Variants in ROBO2 observed in about 807,000 individuals in gnomAD.
The protein encoded by ROBO2 is roundabout homolog 2.
ROBO2 carries 53 observed loss-of-function variants against 160.8 expected under a neutral mutation model. The observed-to-expected ratio is 0.33, with a 90% CI of 0.26 to 0.41. The LOEUF is 0.41. ROBO2 is among the 10% of genes least tolerant of loss of function. The probability of loss-of-function intolerance (pLI) is 1.00; values close to 1 mark genes in which losing one functional copy is unlikely to be tolerated. For missense variants in ROBO2, 1,577 were observed against 1,722.4 expected, an observed-to-expected ratio of 0.92 and a Z score of 1.49; for synonymous variants, 664 against 611.7, an observed-to-expected ratio of 1.09 and a Z score of -1.26.
At chr3:76,333,535 AG>A (rs896416715) in intron 2 of ROBO2, among the ~76,000 whole-genome samples, 1 of 152,312 alleles carries the variant, frequency 6.6e-6, no homozygotes, top group African/African-American at 2.4e-5. Flanking sequence ...CTTAATAAAA[AG>A]ATGTGGTTGC....
rs557507139 is a variant in ROBO2 at position 76,962,082 on chromosome 3, C to G, written c.110-135932C>G. Among the ~76,000 whole-genome samples, 16 of 152,228 alleles carry G rather than the reference C, an allele frequency of 1.1e-4. No individual in the cohort carries two copies. The South Asian group carries it at 3.3e-3, about 32-fold the overall frequency. Reference sequence around the variant, plus strand: ...AGGCACGGTGGCTCACACCTGTAATCTCAGCACTTTGGGAGTCCAAGACGG... The same window carrying G: ...AGGCACGGTGGCTCACACCTGTAATGTCAGCACTTTGGGAGTCCAAGACGG... On this transcript the variant is annotated intron_variant, in intron 2 of 26. Transcript: ENST00000487694.
intron 2 of ROBO2, among the ~76,000 whole-genome samples, chr3:76,446,219 A>C (rs1270727194): frequency 6.6e-6 from 1 of 152,170 alleles, no homozygotes; most frequent in Non-Finnish European, 1.5e-5. Flanking sequence ...AATGTGCAAA[A>C]ATCACAAGCA....
intron 2 of ROBO2, among the ~76,000 whole-genome samples, chr3:76,798,267 A>AGAAAGAAAGAAAGAAG (rs1491293268): frequency 7.1e-6 from 1 of 141,366 alleles, no homozygotes; most frequent in East Asian, 2.1e-4. Context: ...AAGGAAAGAA[A>AGAAAGAAAGAAAGAAG]GAAAGAAAGA....
intron 2 of ROBO2, among the ~76,000 whole-genome samples, chr3:76,964,792 A>G (rs1392972352): frequency 1.3e-5 from 2 of 152,206 alleles, no homozygotes; most frequent in African/African-American, 4.8e-5. Context: ...TTGGTGCTCT[A>G]GGCAGAACTG....
intron 2 of ROBO2, among the ~76,000 whole-genome samples, chr3:76,285,887 C>A (rs1025978373): frequency 6.6e-6 from 1 of 152,120 alleles, no homozygotes; most frequent in Non-Finnish European, 1.5e-5. Context: ...TTCTTGTATA[C>A]AGTCCTGTTT....
At chr3:77,007,853 C>A (rs912420517) in intron 2 of ROBO2, among the ~76,000 whole-genome samples, 1 of 151,980 alleles carries the variant, frequency 6.6e-6, no homozygotes, top group African/African-American at 2.4e-5. Flanking sequence ...TAATTAAAAT[C>A]ATTATCCAAA....
intron 1 of ROBO2, among the ~76,000 whole-genome samples, chr3:77,077,589 C>G (rs952896378): frequency 6.6e-6 from 1 of 152,268 alleles, no homozygotes; most frequent in Middle Eastern, 3.4e-3. Context: ...AAAAAATCAG[C>G]TGGGACTGTG....
At chr3:76,224,121 C>A (rs1180967107) in intron 2 of ROBO2, among the ~76,000 whole-genome samples, 1 of 152,076 alleles carries the variant, frequency 6.6e-6, no homozygotes, top group African/African-American at 2.4e-5. Context: ...CTACATATAT[C>A]TTATTGGTAC....
intron 4 of ROBO2, among the ~76,000 whole-genome samples, chr3:77,485,891 T>G (rs931642653): frequency 1.3e-5 from 2 of 152,100 alleles, no homozygotes; most frequent in Non-Finnish European, 2.9e-5. Flanking sequence ...ACCTAGGTAT[T>G]AGGTCCCACA....
At chr3:77,085,369 AT>A (rs2069172172) in intron 1 of ROBO2, among the ~76,000 whole-genome samples, 1 of 152,164 alleles carries the variant, frequency 6.6e-6, no homozygotes, top group African/African-American at 2.4e-5. Flanking sequence ...TTTTAGAGCT[AT>A]TTGCAACTGA....
At chr3:76,554,318 T>C (rs1475468427) in intron 2 of ROBO2, among the ~76,000 whole-genome samples, 1 of 152,180 alleles carries the variant, frequency 6.6e-6, no homozygotes, top group Non-Finnish European at 1.5e-5. Context: ...CTGTTAACAG[T>C]AATTATCTCC....
chr3:76,923,662 G>T (rs370781300), intron 2 of ROBO2, among the ~76,000 whole-genome samples: 1 of 152,158 alleles, frequency 6.6e-6, no homozygotes, highest in Non-Finnish European at 1.5e-5. Context: ...ATTGGTAATC[G>T]TTCTGTTCTG....
chr3:77,067,010 A>T (rs558007749), intron 1 of ROBO2, among the ~76,000 whole-genome samples: 2 of 140,588 alleles, frequency 1.4e-5, no homozygotes, highest in Non-Finnish European at 3.0e-5. Flanking sequence ...ACACTCACAC[A>T]CTCTCACACA....
At chr3:77,245,683 C>A (rs901292797) in intron 2 of ROBO2, among the ~76,000 whole-genome samples, 4 of 152,150 alleles carry the variant, frequency 2.6e-5, no homozygotes, top group South Asian at 2.1e-4. Context: ...GATTCTCATT[C>A]GAGTGAGGGA....
In ROBO2 at chr3:77,126,712, ATTTT is replaced by A. The variant is rs1278481390; in HGVS notation, c.388+28377_388+28380del. On this transcript the variant is annotated intron_variant, in intron 2 of 25. Transcript: ENST00000461745. ...AATATGGGTGGATATATATATATATATTTTTTTTCCTTTGAAAGATGGTGAAGTC... is the reference window on the plus strand; with the variant it reads ...AATATGGGTGGATATATATATATATATTTTCCTTTGAAAGATGGTGAAGTC... 2.4e-5 allele frequency among the ~76,000 whole-genome samples: 3 copies of A among 127,610 alleles called. 1 individual carries two copies. The highest frequency in any genetic ancestry group is 1.1e-4 in the African/African-American group (3 of 26,696). The allele number at this position is 127,610 out of a possible 152,430, so 83.7% of individuals were successfully genotyped here. A position where few individuals can be genotyped will look rare whatever the true frequency, so the allele number is the denominator to read the frequency against.
chr3:76,241,990 G>T (rs985957173), intron 2 of ROBO2, among the ~76,000 whole-genome samples: 17 of 152,148 alleles, frequency 1.1e-4, no homozygotes, highest in Non-Finnish European at 2.1e-4. Flanking sequence ...AATAAAGTAT[G>T]TTGAGTAGAA....
chr3:76,412,569 G>A (rs1243674421), intron 2 of ROBO2, among the ~76,000 whole-genome samples: 1 of 152,220 alleles, frequency 6.6e-6, no homozygotes, highest in Admixed American at 6.5e-5. Context: ...CCAAATGGAA[G>A]AAATTAGCCC....
intron 2 of ROBO2, among the ~76,000 whole-genome samples, chr3:76,340,732 T>G (rs1465350919): frequency 2.0e-5 from 3 of 152,164 alleles, no homozygotes; most frequent in Non-Finnish European, 4.4e-5. Context: ...TACCTTTAGC[T>G]GATGGATAAA....
chr3:77,429,857 C>T (rs552992474), intron 2 of ROBO2, among the ~76,000 whole-genome samples: 49 of 152,112 alleles, frequency 3.2e-4, no homozygotes, highest in African/African-American at 1.1e-3. Flanking sequence ...TCACACCTTA[C>T]GGTCTCTTAG....
Sources: gnomAD v4.1 joint callset for allele counts (sites outside exome capture counted in the v4.1 genomes callset) on GRCh38, gnomAD v4.1.1 for gene constraint, MANE v1.5 for transcripts, NCBI Gene and HGNC (gene_info 2026-07-23, HGNC 2026-07-21) for gene names.